SCHIP1: variants seen among roughly 807,000 people sequenced by gnomAD.
SCHIP1 encodes schwannomin-interacting protein 1.
SCHIP1 carries 8 observed loss-of-function variants against 29.7 expected under a neutral mutation model. The ratio of observed to expected loss-of-function variants is 0.27; its 90% CI spans 0.16 to 0.49. SCHIP1 has a LOEUF of 0.49. Ranked by LOEUF, SCHIP1 falls within the 20% of genes least tolerant of loss-of-function variation. The probability of loss-of-function intolerance (pLI) is 0.99; values close to 1 mark genes in which losing one functional copy is unlikely to be tolerated. For synonymous variants in SCHIP1, 76 were observed against 94.9 expected, an observed-to-expected ratio of 0.80 and a Z score of 1.16; for missense variants, 193 against 294.6, an observed-to-expected ratio of 0.66 and a Z score of 2.52.
the SCHIP1 span, among the ~76,000 whole-genome samples, chr3:159,762,831 A>C: frequency 6.6e-6 from 1 of 152,162 alleles, no homozygotes; most frequent in Non-Finnish European, 1.5e-5. Context: ...CATAGGTTTG[A>C]CTCAGGTACC....
chr3:159,288,592 C>T, the SCHIP1 span, among the ~76,000 whole-genome samples: 2 of 152,176 alleles, frequency 1.3e-5, no homozygotes, highest in Admixed American at 1.3e-4. Flanking sequence ...ACAATATTAG[C>T]TGGGCATGGT....
chr3:159,759,974 G>T, the SCHIP1 span, among the ~76,000 whole-genome samples: 1 of 147,978 alleles, frequency 6.8e-6, no homozygotes, highest in African/African-American at 2.5e-5. Flanking sequence ...TGAGGAACAT[G>T]ATCTTCTTAC....
the SCHIP1 span, among the ~76,000 whole-genome samples, chr3:159,502,243 CAA>C: frequency 6.6e-6 from 1 of 152,122 alleles, no homozygotes; most frequent in Non-Finnish European, 1.5e-5. Flanking sequence ...GGAGGGAAAA[CAA>C]AAGAGATACA....
At chr3:159,710,149 GCAGTTCTATTCACAA>G in the SCHIP1 span, among the ~76,000 whole-genome samples, 5 of 152,222 alleles carry the variant, frequency 3.3e-5, no homozygotes, top group South Asian at 1.0e-3. Context: ...CATATTCACT[GCAGTTCTATTCACAA>G]CAGCCAAGAT....
chr3:159,493,830 A>G, the SCHIP1 span, among the ~76,000 whole-genome samples: 1 of 152,210 alleles, frequency 6.6e-6, no homozygotes, highest in Non-Finnish European at 1.5e-5. Context: ...CACCAATTCC[A>G]AAATCGACTA....
the SCHIP1 span, among the ~76,000 whole-genome samples, chr3:159,392,647 A>ATT: frequency 6.6e-6 from 1 of 151,810 alleles, no homozygotes; most frequent in Non-Finnish European, 1.5e-5. Context: ...TGAACTCATC[A>ATT]TTTTTTATGG....
At chr3:159,485,489 A>G in the SCHIP1 span, among the ~76,000 whole-genome samples, 67 of 152,236 alleles carry the variant, frequency 4.4e-4, no homozygotes, top group Admixed American at 4.0e-3. Context: ...ATTGGCTGTG[A>G]GATATTGGGC....
chr3:159,371,749 G>T, the SCHIP1 span, among the ~76,000 whole-genome samples: 1 of 152,066 alleles, frequency 6.6e-6, no homozygotes, highest in African/African-American at 2.4e-5. Flanking sequence ...TAAATCATCT[G>T]CAGATTATTT....
At chr3:159,633,567 A>T in the SCHIP1 span, among the ~76,000 whole-genome samples, 1 of 152,238 alleles carries the variant, frequency 6.6e-6, no homozygotes, top group Non-Finnish European at 1.5e-5. Flanking sequence ...CAGACTCTTC[A>T]ATAGCAACAC....
the SCHIP1 span, chr3:159,763,958 G>T: frequency 6.6e-6 from 1 of 151,144 alleles, no homozygotes; most frequent in African/African-American, 2.5e-5. Flanking sequence ...GGCGGGGCGG[G>T]GCCGGGCCGG....
At chr3:159,328,004 T>C in the SCHIP1 span, among the ~76,000 whole-genome samples, 1 of 152,230 alleles carries the variant, frequency 6.6e-6, no homozygotes, top group Admixed American at 6.5e-5. Context: ...CTGAACTAAA[T>C]GAGTTCTGTC....
chr3:159,717,018 A>G, the SCHIP1 span, among the ~76,000 whole-genome samples: 1 of 152,344 alleles, frequency 6.6e-6, no homozygotes, highest in Non-Finnish European at 1.5e-5. Context: ...TTAAAAGAAC[A>G]GAAATTATAA....
chr3:159,828,480 TACAC>T, the SCHIP1 span, among the ~76,000 whole-genome samples: 21 of 121,160 alleles, frequency 1.7e-4, no homozygotes, highest in African/African-American at 3.5e-4. Context: ...TACACACACA[TACAC>T]ATACATACCA....
At chr3:159,559,446 C>G in the SCHIP1 span, among the ~76,000 whole-genome samples, 1 of 152,152 alleles carries the variant, frequency 6.6e-6, no homozygotes. Context: ...ACAAATCTGT[C>G]TAGCCATCAA....
the SCHIP1 span, among the ~76,000 whole-genome samples, chr3:159,304,296 G>C: frequency 1.3e-5 from 2 of 152,134 alleles, no homozygotes; most frequent in East Asian, 3.9e-4. Flanking sequence ...TACATTATCT[G>C]GGGTTTTAAG....
chr3:159,644,675 T>A, the SCHIP1 span, among the ~76,000 whole-genome samples: 1 of 152,170 alleles, frequency 6.6e-6, no homozygotes, highest in Non-Finnish European at 1.5e-5. Context: ...CTCTGCATAT[T>A]GAATAATGCC....
At chr3:159,762,146 A>T in the SCHIP1 span, among the ~76,000 whole-genome samples, 4 of 152,218 alleles carry the variant, frequency 2.6e-5, no homozygotes, top group Admixed American at 2.6e-4. Flanking sequence ...AGGGCTCCAC[A>T]GCAATCTCAA....
At chr3:159,574,337 CT>C in the SCHIP1 span, among the ~76,000 whole-genome samples, 1 of 151,718 alleles carries the variant, frequency 6.6e-6, no homozygotes, top group Non-Finnish European at 1.5e-5. Flanking sequence ...CTATTCCTTT[CT>C]GTTAGTTTTC....
the SCHIP1 span, among the ~76,000 whole-genome samples, chr3:159,788,740 A>G: frequency 6.6e-5 from 10 of 152,242 alleles, no homozygotes; most frequent in Non-Finnish European, 1.3e-4. Context: ...ATAAAATCCT[A>G]GTCCTAATGT....
Sources: gnomAD v4.1 joint callset for allele counts (sites outside exome capture counted in the v4.1 genomes callset) on GRCh38, gnomAD v4.1.1 for gene constraint, MANE v1.5 for transcripts, NCBI Gene and HGNC (gene_info 2026-07-23, HGNC 2026-07-21) for gene names.